The following CDH12 variants were observed in gnomAD, a reference collection of about 807,000 sequenced individuals.
The protein encoded by CDH12 is cadherin 12, also known as cadherin-12.
Under a neutral mutation model 74.1 loss-of-function variants are expected in CDH12, and 41 were observed. That is an observed-to-expected ratio of 0.55 (90% CI 0.43 to 0.72). The LOEUF is 0.72. Ranked by LOEUF, CDH12 falls within the 30% of genes least tolerant of loss-of-function variation. The pLI is 0.00. For synonymous variants in CDH12, 399 were observed against 355.0 expected, an observed-to-expected ratio of 1.12 and a Z score of -1.39; for missense variants, 945 against 977.2, an observed-to-expected ratio of 0.97 and a Z score of 0.44.
At chr5:21,913,439 A>T (rs561929389) in intron 6 of CDH12, among the ~76,000 whole-genome samples, 1 of 152,242 alleles carries the variant, frequency 6.6e-6, no homozygotes, top group East Asian at 1.9e-4. Flanking sequence ...TCTGGGAAAG[A>T]AAAAGAGAGT....
intron 3 of CDH12, among the ~76,000 whole-genome samples, chr5:22,311,702 C>CA (rs138539518): frequency 0.066 from 6,209 of 94,416 alleles, 195 homozygotes; most frequent in Non-Finnish European, 0.079. Context: ...GACTCCATCT[C>CA]AAAAAAAAAA....
At chr5:22,486,734 T>C (rs1054326420) in intron 2 of CDH12, among the ~76,000 whole-genome samples, 4 of 152,216 alleles carry the variant, frequency 2.6e-5, no homozygotes, top group African/African-American at 7.2e-5. Flanking sequence ...ATTACAGGCA[T>C]GAGCCACTGT....
intron 1 of CDH12, among the ~76,000 whole-genome samples, chr5:22,519,465 C>T (rs142801795): frequency 5.0e-4 from 76 of 150,534 alleles, no homozygotes; most frequent in Non-Finnish European, 9.2e-4. Flanking sequence ...ACTCTGTCAC[C>T]CAGGCTGGAG....
intron 5 of CDH12, among the ~76,000 whole-genome samples, chr5:22,041,842 C>T (rs1343929826): frequency 6.6e-6 from 1 of 152,130 alleles, no homozygotes. Flanking sequence ...TCTTACTTAG[C>T]AGCAGAATAC....
chr5:22,078,344 A>G (rs1742476393), intron 5 of CDH12, 102 bp downstream of exon 5: 2 of 942,498 alleles, frequency 2.1e-6, no homozygotes, highest in Admixed American at 2.1e-5. Context: ...CCAGTGTTCT[A>G]GTCACTGGTT....
intron 6 of CDH12, among the ~76,000 whole-genome samples, chr5:21,880,616 C>CTCTCTCTCTTTCT (rs1752255658): frequency 2.0e-5 from 1 of 50,810 alleles, no homozygotes; most frequent in African/African-American, 8.8e-5. Flanking sequence ...TCCTTCCTTC[C>CTCTCTCTCTTTCT]TTCTTTCTTT....
intron 3 of CDH12, among the ~76,000 whole-genome samples, chr5:22,361,343 G>C (rs187920930): frequency 6.6e-6 from 1 of 152,046 alleles, no homozygotes; most frequent in African/African-American, 2.4e-5. Context: ...GCTTCAAAAA[G>C]AATAAAAACC....
intron 5 of CDH12, among the ~76,000 whole-genome samples, chr5:22,061,211 CACA>C (rs1357863002): frequency 6.6e-6 from 1 of 151,998 alleles, no homozygotes; most frequent in East Asian, 1.9e-4. Context: ...TGGGAAATTC[CACA>C]GGTAGAAATA....
intron 4 of CDH12, among the ~76,000 whole-genome samples, chr5:22,083,750 A>T (rs183805263): frequency 6.6e-6 from 1 of 152,232 alleles, no homozygotes; most frequent in East Asian, 1.9e-4. Context: ...CTGACTACAG[A>T]GCTCATACTC....
intron 4 of CDH12, among the ~76,000 whole-genome samples, chr5:22,190,210 A>T (rs1750189777): frequency 6.6e-6 from 1 of 152,168 alleles, no homozygotes; most frequent in Non-Finnish European, 1.5e-5. Context: ...AAGCATTAGC[A>T]AAAATACTCC....
chr5:22,420,118 T>C (rs1235396704), intron 2 of CDH12, among the ~76,000 whole-genome samples: 2 of 152,132 alleles, frequency 1.3e-5, no homozygotes, highest in African/African-American at 2.4e-5. Flanking sequence ...TCCTATTCTG[T>C]AGGTTGTCTG....
intron 3 of CDH12, among the ~76,000 whole-genome samples, chr5:22,384,875 C>T (rs1347418499): frequency 2.0e-5 from 3 of 152,186 alleles, no homozygotes; most frequent in Non-Finnish European, 2.9e-5. Flanking sequence ...GCCTTGGGTC[C>T]GATTTCTAAT....
intron 4 of CDH12, among the ~76,000 whole-genome samples, chr5:22,153,579 T>G: frequency 6.6e-6 from 1 of 151,272 alleles, no homozygotes; most frequent in Non-Finnish European, 1.5e-5. Flanking sequence ...GGAAATTCCT[T>G]AAGCTCTGTA....
chr5:22,698,788 A>C (rs1441789012), intron 1 of CDH12, among the ~76,000 whole-genome samples: 1 of 140,990 alleles, frequency 7.1e-6, no homozygotes, highest in Non-Finnish European at 1.5e-5. Flanking sequence ...AAGAGAAGAT[A>C]ATTTGACAAT....
At chr5:21,830,014 C>T (rs887246662) in intron 8 of CDH12, among the ~76,000 whole-genome samples, 5 of 151,764 alleles carry the variant, frequency 3.3e-5, no homozygotes, top group African/African-American at 1.2e-4. Context: ...GCTTGGCCAA[C>T]ATGGTGAAAC....
chr5:22,153,903 T>TATATATAC (rs1478012877), intron 4 of CDH12, among the ~76,000 whole-genome samples: 9 of 111,154 alleles, frequency 8.1e-5, no homozygotes, highest in South Asian at 2.9e-4. Flanking sequence ...TATATATATA[T>TATATATAC]ACACACACAT....
chr5:22,663,183 G>A (rs1268072344), intron 1 of CDH12, among the ~76,000 whole-genome samples: 4 of 107,244 alleles, frequency 3.7e-5, no homozygotes, highest in African/African-American at 1.1e-4. Context: ...TTTAAACTAT[G>A]AGAACCAGTT....
At chr5:22,014,229 G>A (rs185263187) in intron 5 of CDH12, among the ~76,000 whole-genome samples, 250 of 152,130 alleles carry the variant, frequency 1.6e-3, no homozygotes, top group African/African-American at 5.9e-3. Context: ...AGACTCCTCC[G>A]TCTCAAAAAG....
intron 11 of CDH12, among the ~76,000 whole-genome samples, chr5:21,765,989 T>A (rs1245059112): frequency 6.6e-6 from 1 of 152,002 alleles, no homozygotes; most frequent in Non-Finnish European, 1.5e-5. Flanking sequence ...GGAGTTTAGA[T>A]CCAAACCCAG....
Sources: gnomAD v4.1 joint callset for allele counts (sites outside exome capture counted in the v4.1 genomes callset) on GRCh38, gnomAD v4.1.1 for gene constraint, MANE v1.5 for transcripts, NCBI Gene and HGNC (gene_info 2026-07-23, HGNC 2026-07-21) for gene names.